SLC12A7: variants seen among roughly 807,000 people sequenced by gnomAD.
SLC12A7 encodes the protein solute carrier family 12 member 7, also known as K-Cl cotransporter 4.
SLC12A7 carries 100 observed loss-of-function variants against 120.6 expected under a neutral mutation model. The observed-to-expected ratio is 0.83, with a 90% CI of 0.71 to 0.98. The LOEUF is 0.98. Among genes scored for constraint, SLC12A7 ranks in the 50% least tolerant of loss-of-function variants. The pLI is 0.00. For synonymous variants in SLC12A7, 760 were observed against 678.0 expected (o/e 1.12, Z -1.88); for missense variants, 1,373 against 1,548.1 (o/e 0.89, Z 1.90).
At chr5:1,153,982 G>A in the SLC12A7 span, among the ~76,000 whole-genome samples, 3 of 152,028 alleles carry the variant, frequency 2.0e-5, no homozygotes, top group East Asian at 1.9e-4. Flanking sequence ...GGCTGGACCC[G>A]AGAGCCACAG....
intron 21 of SLC12A7, 109 bp from the exon 22 acceptor site, chr5:1,057,758 C>A: frequency 9.2e-7 from 1 of 1,081,228 alleles, no homozygotes; most frequent in Non-Finnish European, 1.3e-6. Context: ...ACCTGAAGGG[C>A]CCTGTGTGCC....
At chr5:1,056,301 G>A (rs1046187968) in intron 22 of SLC12A7, among the ~76,000 whole-genome samples, 2 of 152,192 alleles carry the variant, frequency 1.3e-5, no homozygotes, top group African/African-American at 4.8e-5. Context: ...GGAGCGGCTC[G>A]GACACCTCCC....
intron 1 of SLC12A7, among the ~76,000 whole-genome samples, chr5:1,102,417 C>T (rs2150901711): frequency 1.3e-5 from 2 of 152,338 alleles, no homozygotes; most frequent in Admixed American, 1.3e-4. Context: ...TGGCTCATCC[C>T]TCCCCCTCTT....
Position 1,064,077 on chromosome 5 carries a change from C to G in SLC12A7, c.2607+6G>C. 1.2e-6 allele frequency: 2 copies of G among 1,604,022 alleles called. No homozygotes were observed. Among genetic ancestry groups the G allele is most frequent in the Non-Finnish European group, 1.7e-6 (2 of 1,174,236 alleles). ...CCGGCTGGCGTGTCCCCGTCGCACG[C>G]CCCACCTTGTGCTGGCGCAGCAGGA... On this transcript the variant is annotated splice_donor_region_variant and intron_variant, in intron 19 of 23. Coordinates refer to ENST00000264930, the MANE Select transcript of SLC12A7 (RefSeq NM_006598.3).
chr5:1,106,000 ACACGGCCGT>A, intron 1 of SLC12A7, among the ~76,000 whole-genome samples: 1 of 152,198 alleles, frequency 6.6e-6, no homozygotes, highest in East Asian at 1.9e-4. Context: ...CCCACCCACC[ACACGGCCGT>A]CACAAAATGA....
chr5:1,061,699 C>T (rs1037529104), intron 20 of SLC12A7, among the ~76,000 whole-genome samples: 10 of 152,168 alleles, frequency 6.6e-5, no homozygotes, highest in African/African-American at 2.4e-4. Flanking sequence ...CCTGTCATCC[C>T]AACACTTTGG....
intron 21 of SLC12A7, among the ~76,000 whole-genome samples, chr5:1,058,588 C>G (rs1479051913): frequency 2.0e-5 from 3 of 152,234 alleles, no homozygotes; most frequent in Admixed American, 6.5e-5. Flanking sequence ...TTCACTGGAC[C>G]AGGTTCTTCT....
In SLC12A7 at chr5:1,057,337, T is replaced by C. The variant is rs557018282; in HGVS notation, c.3026+134A>G. The C allele has an allele frequency of 1.1e-4, 102 of 926,018 alleles. 1 individual carries two copies. The Admixed American group carries it at 2.6e-3, about 23-fold the overall frequency. 57.4% of individuals were successfully genotyped at this position (926,018 alleles called of 1,614,324 possible). A position where few individuals can be genotyped will look rare whatever the true frequency, so the allele number is the denominator to read the frequency against. On this transcript the variant is annotated intron_variant, in intron 22 of 23. Transcript: ENST00000264930. Reference sequence around the variant, plus strand: ...CTCAGTGCCCACTCAGGCGGCTCCCTGTTCTCTAACGGGCCCACTGGCCTG... The same window carrying C: ...CTCAGTGCCCACTCAGGCGGCTCCCCGTTCTCTAACGGGCCCACTGGCCTG...
rs11133609 is a variant in SLC12A7 at position 1,060,680 on chromosome 5, G to A, written c.2740-229C>T. ...ACACGCTCTGCTCATGTCCCTCCCC[G>A]GGACCCTCCGACCGGGCACAAGGGC... is the stretch of plus-strand genomic sequence containing the variant. On this transcript the variant is annotated intron_variant, in intron 20 of 23. Coordinates refer to ENST00000264930, the MANE Select transcript of SLC12A7 (RefSeq NM_006598.3). Among the ~76,000 whole-genome samples, 143,125 of 152,140 alleles carry A rather than the reference G, an allele frequency of 0.94. 67,956 individuals carry two copies. Among genetic ancestry groups the A allele is most frequent in the East Asian group, 1 (5,158 of 5,158 alleles).
At chr5:1,120,774 A>G in the SLC12A7 span, among the ~76,000 whole-genome samples, 4 of 152,138 alleles carry the variant, frequency 2.6e-5, no homozygotes, top group African/African-American at 7.2e-5. Flanking sequence ...GCTGCAGGGC[A>G]GGAGGAGGTC....
At chr5:1,085,097 T>TC (rs1359152128) in intron 7 of SLC12A7, 135 bp downstream of exon 7, 26 of 1,257,114 alleles carry the variant, frequency 2.1e-5, no homozygotes, top group African/African-American at 3.0e-5. Flanking sequence ...CCACGGGGGT[T>TC]CCCGCCACGG....
the SLC12A7 span, among the ~76,000 whole-genome samples, chr5:1,154,329 G>T: frequency 6.8e-6 from 1 of 147,614 alleles, no homozygotes; most frequent in Non-Finnish European, 1.5e-5. Context: ...ACCAATCCAT[G>T]CAGTCCTGGA....
rs1258917472 is a variant in SLC12A7 at position 1,050,591 on chromosome 5, C to T, written c.*1769G>A. 2.6e-5 allele frequency: 9 copies of T among 341,420 alleles called. No homozygotes were observed. The highest frequency in any genetic ancestry group is 1.5e-4 in the South Asian group (1 of 6,494). 21.1% of individuals were successfully genotyped at this position (341,420 alleles called of 1,614,324 possible). A position where few individuals can be genotyped will look rare whatever the true frequency, so the allele number is the denominator to read the frequency against. On this transcript the variant is annotated 3_prime_UTR_variant, in exon 24 of 24. Transcript: ENST00000264930. ...AGGTGGTTTCGTGTGCAGAACTGAG[C>T]GGCCCTCAGAAGCAGGGCTGTTTTC... is the stretch of plus-strand genomic sequence containing the variant.
intron 14 of SLC12A7, chr5:1,075,924 G>A (rs1450910427): frequency 1.8e-6 from 1 of 551,868 alleles, no homozygotes; most frequent in Non-Finnish European, 3.2e-6. Context: ...CCTTCCTCAG[G>A]TGCAGTCTCA....
chr5:1,130,581 C>T, the SLC12A7 span, among the ~76,000 whole-genome samples: 2 of 151,786 alleles, frequency 1.3e-5, no homozygotes, highest in African/African-American at 2.4e-5. Flanking sequence ...TTAGCCAGGG[C>T]GGCTGCCCGC....
intron 1 of SLC12A7, among the ~76,000 whole-genome samples, chr5:1,100,229 G>C (rs1036070786): frequency 3.3e-5 from 5 of 152,244 alleles, no homozygotes; most frequent in African/African-American, 1.2e-4. Context: ...CACCGGGACG[G>C]CAGGGGCTGG....
chr5:1,083,694 C>T (rs1265099883), intron 8 of SLC12A7, 51 bp downstream of exon 8: 1 of 1,560,592 alleles, frequency 6.4e-7, no homozygotes, highest in South Asian at 1.1e-5. Flanking sequence ...AGGGCCAGCG[C>T]CTGCTGCCCC....
intron 8 of SLC12A7, 51 bp from the exon 9 acceptor site, chr5:1,081,795 C>T (rs1739155471): frequency 6.4e-7 from 1 of 1,573,652 alleles, no homozygotes; most frequent in African/African-American, 1.3e-5. Context: ...TGTGCAGTGC[C>T]CCCGCCATGG....
intron 3 of SLC12A7, among the ~76,000 whole-genome samples, chr5:1,090,514 G>A (rs1020995201): frequency 1.3e-5 from 2 of 152,188 alleles, no homozygotes; most frequent in African/African-American, 4.8e-5. Flanking sequence ...CGAGAGAAGC[G>A]GTGGCGGATG....
Sources: allele counts gnomAD v4.1 joint callset (sites outside exome capture counted in the v4.1 genomes callset), GRCh38; gene constraint gnomAD v4.1.1; transcripts MANE v1.5; gene names NCBI Gene and HGNC (gene_info 2026-07-23, HGNC 2026-07-21).